Variants in GPR160 observed in about 807,000 individuals in gnomAD.
The protein encoded by GPR160 is probable G protein-coupled receptor 160.
Under a neutral mutation model 2.6 loss-of-function variants are expected in GPR160, and 2 were observed. That is an observed-to-expected ratio of 0.77 (90% confidence interval 0.32 to 2.44). The LOEUF is 2.44. GPR160 is among the 30% of genes most tolerant of loss of function. GPR160 has a pLI of 0.11. For synonymous variants in GPR160, 130 were observed against 132.2 expected, an observed-to-expected ratio of 0.98 and a Z score of 0.12; for missense variants, 351 against 383.6, an observed-to-expected ratio of 0.91 and a Z score of 0.71.
At chr3:170,062,819 TGAAAGCGGAAAG>T in intron 2 of GPR160, 1 of 600,966 alleles carries the variant, frequency 1.7e-6, no homozygotes, top group Non-Finnish European at 3.0e-6. Context: ...ATGAATTGGT[TGAAAGCGGAAAG>T]GAAAGAAGGA....
Position 170,056,451 on chromosome 3 carries a change from A to T in GPR160, c.-193+17408A>T, listed in dbSNP as rs75584098. Among the ~76,000 whole-genome samples, 151 of 152,306 alleles carry T rather than the reference A, an allele frequency of 9.9e-4. 2 individuals are homozygous for T. The East Asian group carries it at 0.027, about 27-fold the overall frequency. On this transcript the variant is annotated intron_variant, in intron 2 of 3. Transcript: ENST00000355897. Reference sequence around the variant, plus strand: ...TTCTCATGCTATTGATTTCATTATGAATGACATAATCAATAACAGCCCGGG... The same window carrying T: ...TTCTCATGCTATTGATTTCATTATGTATGACATAATCAATAACAGCCCGGG...
chr3:170,044,526 G>A lies in GPR160; in HGVS notation c.-193+5483G>A, dbSNP rs113306670. On this transcript the variant is annotated intron_variant, in intron 2 of 3. Coordinates refer to ENST00000355897, the MANE Select transcript of GPR160 (RefSeq NM_014373.3). The stretch of plus-strand genomic sequence containing the variant: ...TTTGACAAGAATGGAGTAGGTGTGG[G>A]CAGGCCTCAGTAGGGAAAAGGAATG... Among the ~76,000 whole-genome samples, 165 of 152,236 alleles carry A rather than the reference G, an allele frequency of 1.1e-3. 3 individuals carry two copies. Among genetic ancestry groups the A allele is most frequent in the African/African-American group, 3.8e-3 (159 of 41,538 alleles).
At chr3:170,062,855 T>C (rs1191117733) in intron 2 of GPR160, 2 of 484,408 alleles carry the variant, frequency 4.1e-6, no homozygotes, top group Admixed American at 3.2e-5. Flanking sequence ...AAGACTGACC[T>C]CATCAATGAC....
rs79781923 is a variant in GPR160, at chr3:170,066,629, G to A, written c.-192-13145G>A. Among the ~76,000 whole-genome samples, 566 of 152,106 alleles carry A rather than the reference G, an allele frequency of 3.7e-3. 16 individuals are homozygous for A. In the East Asian group the frequency reaches 0.094, roughly 25 times the overall value. ...ATCTACTTAATGGTTCTCTATTGGC[G>A]GACATTTAAGTTTAAAGTAAGTTGT... On this transcript the variant is annotated intron_variant, in intron 2 of 3. Coordinates refer to ENST00000355897, the MANE Select transcript of GPR160 (RefSeq NM_014373.3).
intron 2 of GPR160, among the ~76,000 whole-genome samples, chr3:170,079,262 C>A (rs971877750): frequency 8.5e-5 from 13 of 152,172 alleles, no homozygotes; most frequent in Admixed American, 8.5e-4. Context: ...ATCCGTTGCT[C>A]GACTAGGGTC....
chr3:170,040,033 G>T (rs527988963), intron 2 of GPR160, among the ~76,000 whole-genome samples: 44 of 152,176 alleles, frequency 2.9e-4, no homozygotes, highest in Middle Eastern at 3.4e-3. Flanking sequence ...GGAGGGTGGG[G>T]GGAAAGGGGA....
chr3:170,084,794 G>C lies in GPR160; in HGVS notation c.822G>C (p.Glu274Asp). 2 of 1,603,798 alleles carry C rather than the reference G, an allele frequency of 1.2e-6. No homozygotes were observed. The highest frequency in any genetic ancestry group is 1.7e-6 in the Non-Finnish European group (2 of 1,171,232). ...AAGTTCAGATTCCAGCATATATTGA[G>C]ATGAATATTCCCTGGTTATACTTTG... Reference protein sequence around the residue: ...LLKVQIPAYIEMNIPWLYFVN... With the variant: ...LLKVQIPAYIDMNIPWLYFVN... Residue 274 changes from glutamate to aspartate, a missense_variant, in exon 4 of 4, where the codon GAG becomes GAC. By Grantham distance (45) the Glu-to-Asp change is conservative (BLOSUM62 2). Coordinates refer to ENST00000355897, the MANE Select transcript of GPR160 (RefSeq NM_014373.3).
At chr3:170,058,391 C>T (rs1439570106) in intron 2 of GPR160, among the ~76,000 whole-genome samples, 5 of 152,142 alleles carry the variant, frequency 3.3e-5, no homozygotes. Flanking sequence ...CACGCCCCAC[C>T]GGCCATACCT....
In GPR160 at chr3:170,056,876, G is replaced by T. The variant is rs151235574; in HGVS notation, c.-193+17833G>T. Reference sequence around the variant, plus strand: ...AACCATCACAGTAACTATAATGTGGGTATATGCAGAATACCACATTTCATA... The same window carrying T: ...AACCATCACAGTAACTATAATGTGGTTATATGCAGAATACCACATTTCATA... On this transcript the variant is annotated intron_variant, in intron 2 of 3. Transcript: ENST00000355897. Among the ~76,000 whole-genome samples, 96 of 152,266 alleles carry T rather than the reference G, an allele frequency of 6.3e-4. 1 individual carries two copies. Among genetic ancestry groups the T allele is most frequent in the African/African-American group, 2.2e-3 (93 of 41,548 alleles).
rs187882707 is a variant in GPR160, at chr3:170,067,963, A to G, written c.-192-11811A>G. Among the ~76,000 whole-genome samples the G allele has an allele frequency of 2.2e-4, 33 of 152,264 alleles. 1 individual carries two copies. In the East Asian group the frequency reaches 6.2e-3, roughly 29 times the overall value. On this transcript the variant is annotated intron_variant, in intron 2 of 3. Transcript: ENST00000355897. ...ACTGGCAGCTGGATTCAGAGATTTA[A>G]TGAAACTCAGGTTTGCCATATAGGA...
At chr3:170,043,028 C>T (rs893104372) in intron 2 of GPR160, among the ~76,000 whole-genome samples, 2 of 151,334 alleles carry the variant, frequency 1.3e-5, no homozygotes, top group Non-Finnish European at 2.9e-5. Flanking sequence ...ACTACAGGTG[C>T]CCACCACCAC....
rs368019452 is a variant in GPR160 at position 170,045,408 on chromosome 3, C to CAAAAAAAAAAAAA, written c.-193+6392_-193+6404dup. ...TGAAACCCTGTCTCTACTAAAAATA[C>CAAAAAAAAAAAAA]AAAAAAAAAAAAAAAAAAAAAAAAA... is the stretch of plus-strand genomic sequence containing the variant. On this transcript the variant is annotated intron_variant, in intron 2 of 3. Coordinates refer to ENST00000355897, the MANE Select transcript of GPR160 (RefSeq NM_014373.3). Among the ~76,000 whole-genome samples, 93 of 33,660 alleles carry CAAAAAAAAAAAAA rather than the reference C, an allele frequency of 2.8e-3. 25 individuals carry two copies. The highest frequency in any genetic ancestry group is 4.3e-3 in the Non-Finnish European group (78 of 18,160). 22.1% of individuals were successfully genotyped at this position (33,660 alleles called of 152,430 possible). A position where few individuals can be genotyped will look rare whatever the true frequency, so the allele number is the denominator to read the frequency against.
intron 2 of GPR160, among the ~76,000 whole-genome samples, chr3:170,064,514 C>CTTTTTTTT (rs1175382810): frequency 4.9e-4 from 40 of 81,030 alleles, no homozygotes; most frequent in Admixed American, 1.2e-3. Flanking sequence ...CTTTTCTTTT[C>CTTTTTTTT]TTTTTTTTTT....
At chr3:170,069,173 G>A (rs976455876) in intron 2 of GPR160, among the ~76,000 whole-genome samples, 2 of 152,164 alleles carry the variant, frequency 1.3e-5, no homozygotes, top group South Asian at 2.1e-4. Context: ...TTCTTACTCC[G>A]CAGTTGGAGA....
chr3:170,068,604 T>A (rs1308620481), intron 2 of GPR160, among the ~76,000 whole-genome samples: 1 of 152,218 alleles, frequency 6.6e-6, no homozygotes, highest in East Asian at 1.9e-4. Flanking sequence ...TTCCCAAACA[T>A]TATTTTCCAA....
chr3:170,045,959 G>A (rs942402448), intron 2 of GPR160, among the ~76,000 whole-genome samples: 1 of 152,162 alleles, frequency 6.6e-6, no homozygotes, highest in Non-Finnish European at 1.5e-5. Flanking sequence ...ATCATAGGGC[G>A]GTGAGGATTC....
chr3:170,071,625 C>T (rs1447086015), intron 2 of GPR160, among the ~76,000 whole-genome samples: 2 of 142,408 alleles, frequency 1.4e-5, no homozygotes, highest in Admixed American at 7.5e-5. Context: ...AACCCCGTCT[C>T]TACTAAAAAT....
intron 2 of GPR160, among the ~76,000 whole-genome samples, chr3:170,056,103 C>T (rs1259210134): frequency 6.6e-6 from 1 of 152,136 alleles, no homozygotes; most frequent in African/African-American, 2.4e-5. Context: ...TCTTAAAACT[C>T]AGTACCTGAA....
In GPR160 at chr3:170,066,286, G is replaced by A. The variant is rs562810829; in HGVS notation, c.-192-13488G>A. Among the ~76,000 whole-genome samples, 205 of 151,434 alleles carry A rather than the reference G, an allele frequency of 1.4e-3. 1 individual carries two copies. The highest frequency in any genetic ancestry group is 3.4e-3 in the Middle Eastern group (1 of 294). ...CTCCCGAGTAGCTGGGACTACAGGC[G>A]CCCATCACCACGCCCGGCTAATTTT... is the stretch of plus-strand genomic sequence containing the variant. On this transcript the variant is annotated intron_variant, in intron 2 of 3. Coordinates refer to ENST00000355897, the MANE Select transcript of GPR160 (RefSeq NM_014373.3).
Sources: allele counts gnomAD v4.1 joint callset (sites outside exome capture counted in the v4.1 genomes callset), GRCh38; gene constraint gnomAD v4.1.1; transcripts MANE v1.5; gene names NCBI Gene and HGNC (gene_info 2026-07-23, HGNC 2026-07-21).